SOX6: variants seen among roughly 807,000 people sequenced by gnomAD.
The protein encoded by SOX6 is transcription factor SOX-6.
SOX6 carries 11 observed loss-of-function variants against 97.8 expected under a neutral mutation model. The ratio of observed to expected loss-of-function variants is 0.11; its 90% CI spans 0.07 to 0.19. The LOEUF (loss-of-function observed/expected upper bound fraction) is 0.19. Ranked by LOEUF, SOX6 falls within the 10% of genes least tolerant of loss-of-function variation. SOX6 has a pLI of 1.00. For synonymous variants in SOX6, 360 were observed against 371.4 expected (o/e 0.97, Z 0.35); for missense variants, 810 against 1,039.5 (o/e 0.78, Z 3.04).
rs972725152 is a variant in SOX6, at chr11:16,283,149, G to A, written c.445+35297C>T. Among the ~76,000 whole-genome samples, 27 of 127,350 alleles carry A rather than the reference G, an allele frequency of 2.1e-4. 1 individual carries two copies. Among genetic ancestry groups the A allele is most frequent in the African/African-American group, 5.3e-4 (18 of 33,772 alleles). The allele number at this position is 127,350 out of a possible 152,430, so 83.5% of individuals were successfully genotyped here. On this transcript the variant is annotated intron_variant, in intron 3 of 15. Transcript: ENST00000683767. The stretch of plus-strand genomic sequence containing the variant: ...GAGGGTCAAAGCCAAATATAAAAAT[G>A]AAAACATTTATTTTGGTGCCACCCA...
At chr11:16,587,742 T>C (rs777345771) in intron 4 of SOX6, among the ~76,000 whole-genome samples, 7 of 152,226 alleles carry the variant, frequency 4.6e-5, no homozygotes, top group Non-Finnish European at 1.0e-4. Context: ...CTCCTTCTCT[T>C]GAGTGCTAGT....
At chr11:16,675,934 T>G (rs939005985) in intron 3 of SOX6, among the ~76,000 whole-genome samples, 9 of 152,224 alleles carry the variant, frequency 5.9e-5, no homozygotes, top group African/African-American at 2.2e-4. Flanking sequence ...ACATGGAGTT[T>G]GTTGAGCTTC....
chr11:16,100,677 C>T (rs555902927), intron 7 of SOX6, among the ~76,000 whole-genome samples: 3 of 151,090 alleles, frequency 2.0e-5, no homozygotes, highest in Non-Finnish European at 4.4e-5. Context: ...TACTAAGAAC[C>T]TACAACCCAT....
intron 3 of SOX6, among the ~76,000 whole-genome samples, chr11:16,656,925 T>C (rs932896669): frequency 1.3e-5 from 2 of 152,350 alleles, no homozygotes; most frequent in Admixed American, 1.3e-4. Flanking sequence ...TGCATTAATG[T>C]GTATGTTTGT....
At chr11:16,462,273 A>G (rs1328454714) in intron 1 of SOX6, among the ~76,000 whole-genome samples, 1 of 152,260 alleles carries the variant, frequency 6.6e-6, no homozygotes, top group Admixed American at 6.5e-5. Flanking sequence ...TTCAAACAAT[A>G]AACTACCATA....
intron 1 of SOX6, among the ~76,000 whole-genome samples, chr11:16,449,036 C>CATG (rs1019222699): frequency 2.6e-5 from 4 of 152,076 alleles, no homozygotes; most frequent in African/African-American, 9.7e-5. Context: ...GCTGTCTCTA[C>CATG]ATGATGATGA....
At chr11:16,519,182 C>G (rs983376750) in intron 4 of SOX6, among the ~76,000 whole-genome samples, 1 of 152,072 alleles carries the variant, frequency 6.6e-6, no homozygotes, top group Non-Finnish European at 1.5e-5. Flanking sequence ...CTTTCATTTT[C>G]AGTGGCTAGA....
At chr11:16,642,551 C>T (rs572747089) in intron 3 of SOX6, among the ~76,000 whole-genome samples, 14 of 152,342 alleles carry the variant, frequency 9.2e-5, no homozygotes, top group African/African-American at 1.9e-4. Flanking sequence ...TTCAGGTACA[C>T]CAATCAGACG....
intron 9 of SOX6, among the ~76,000 whole-genome samples, chr11:16,082,148 A>T (rs913957570): frequency 6.6e-6 from 1 of 152,152 alleles, no homozygotes; most frequent in Non-Finnish European, 1.5e-5. Context: ...AGCCAATAAC[A>T]TTACTATCCC....
At chr11:16,634,750 T>C (rs1848759625) in intron 3 of SOX6, among the ~76,000 whole-genome samples, 1 of 152,222 alleles carries the variant, frequency 6.6e-6, no homozygotes. Context: ...ATTGATATGG[T>C]TTGGCTGTAT....
intron 15 of SOX6, among the ~76,000 whole-genome samples, chr11:15,980,366 CAATGGCT>C (rs1853621172): frequency 1.3e-5 from 2 of 152,198 alleles, no homozygotes; most frequent in Non-Finnish European, 2.9e-5. Context: ...AAGACTCCTC[CAATGGCT>C]TGAAGTATAT....
chr11:16,313,479 T>C (rs1855667624), intron 3 of SOX6: 1 of 152,104 alleles, frequency 6.6e-6, no homozygotes, highest in Non-Finnish European at 1.5e-5. Flanking sequence ...ATTTGAAGAC[T>C]TTTAGGTGTC....
chr11:16,435,396 T>G (rs1389522693), intron 1 of SOX6, among the ~76,000 whole-genome samples: 1 of 152,184 alleles, frequency 6.6e-6, no homozygotes, highest in Non-Finnish European at 1.5e-5. Context: ...AACACCAACT[T>G]GCAGGCTAAT....
chr11:16,080,438 C>G (rs186477764), intron 9 of SOX6, among the ~76,000 whole-genome samples: 3 of 152,146 alleles, frequency 2.0e-5, no homozygotes, highest in Admixed American at 2.0e-4. Flanking sequence ...AACAATAGAA[C>G]CTACTCTGAA....
chr11:16,504,498 A>G (rs1373096600), intron 4 of SOX6, among the ~76,000 whole-genome samples: 2 of 152,064 alleles, frequency 1.3e-5, no homozygotes, highest in African/African-American at 4.8e-5. Flanking sequence ...AATAGCTACA[A>G]AAAAAAACTT....
intron 13 of SOX6, among the ~76,000 whole-genome samples, chr11:16,000,411 G>C (rs1406398337): frequency 3.9e-5 from 6 of 152,158 alleles, no homozygotes; most frequent in Non-Finnish European, 7.4e-5. Flanking sequence ...TCTAGTGACA[G>C]GTGAAATGAC....
At chr11:16,559,318 A>T (rs1355950799) in intron 4 of SOX6, among the ~76,000 whole-genome samples, 2 of 151,390 alleles carry the variant, frequency 1.3e-5, no homozygotes, top group Admixed American at 6.6e-5. Context: ...ACTTTCTTGC[A>T]GTGTTCACAT....
At chr11:16,482,696 T>G (rs2133125675) in intron 4 of SOX6, among the ~76,000 whole-genome samples, 3 of 152,184 alleles carry the variant, frequency 2.0e-5, no homozygotes, top group Middle Eastern at 6.8e-3. Context: ...AAAAAGTAGT[T>G]AGTTCAACTC....
At chr11:16,181,630 T>C (rs1444404937) in intron 6 of SOX6, among the ~76,000 whole-genome samples, 1 of 151,466 alleles carries the variant, frequency 6.6e-6, no homozygotes, top group East Asian at 1.9e-4. Context: ...ATACATTTTG[T>C]GATTTTGTGT....
Sources: allele counts gnomAD v4.1 joint callset (sites outside exome capture counted in the v4.1 genomes callset), GRCh38; gene constraint gnomAD v4.1.1; transcripts MANE v1.5; gene names NCBI Gene and HGNC (gene_info 2026-07-23, HGNC 2026-07-21).